Variants in MTX3 observed in about 807,000 individuals in gnomAD.
MTX3 encodes metaxin-3.
A neutral mutation model predicts 42.5 loss-of-function variants in MTX3; 27 were observed. That is an observed-to-expected ratio of 0.64 (90% confidence interval 0.47 to 0.88). The LOEUF (loss-of-function observed/expected upper bound fraction) is 0.88, where lower values mean the gene tolerates loss of function less well. MTX3 is among the 40% of genes least tolerant of loss of function. The probability of loss-of-function intolerance (pLI) is 0.00; values close to 1 mark genes in which losing one functional copy is unlikely to be tolerated. For missense variants in MTX3, 378 were observed against 367.0 expected (o/e 1.03, Z -0.25); for synonymous variants, 144 against 132.9 (o/e 1.08, Z -0.57).
At position 79,978,111 on chromosome 5, in the gene MTX3, T is replaced by C. The variant is rs974217834; in HGVS notation, c.*5573A>G. On this transcript the variant is annotated 3_prime_UTR_variant, in exon 9 of 9. Transcript: ENST00000512528. ...ACCAACATATCTATGCCGACAGCCA[T>C]CCCTCTCTCAATGCCATGGTCCAAG... 5.3e-5 allele frequency: 8 copies of C among 152,178 alleles called. No homozygotes were observed. The highest frequency in any genetic ancestry group is 5.2e-4 in the Admixed American group (8 of 15,272). The allele number at this position is 152,178 out of a possible 1,614,324, so 9.4% of individuals were successfully genotyped here. A position where few individuals can be genotyped will look rare whatever the true frequency, so the allele number is the denominator to read the frequency against.
At position 79,983,460 on chromosome 5, in the gene MTX3, C is replaced by A. The variant is rs1231062114; in HGVS notation, c.*224G>T. On this transcript the variant is annotated 3_prime_UTR_variant, in exon 9 of 9. Transcript: ENST00000512528. ...ACGATGTGTTTTTCTTCCCCGCCCC[C>A]CCAACCAAGTTCATTTAGCATTCTC... 5.5e-6 allele frequency: 3 copies of A among 543,138 alleles called. No homozygotes were observed. The highest frequency in any genetic ancestry group is 5.0e-4 in the Middle Eastern group (1 of 2,012). The allele number at this position is 543,138 out of a possible 1,614,324, so 33.6% of individuals were successfully genotyped here. A position where few individuals can be genotyped will look rare whatever the true frequency, so the allele number is the denominator to read the frequency against.
intron 6 of MTX3, among the ~76,000 whole-genome samples, chr5:79,987,458 A>AAAATT (rs1561282823): frequency 6.6e-6 from 1 of 151,784 alleles, no homozygotes; most frequent in Non-Finnish European, 1.5e-5. Flanking sequence ...AAAAAAAAAA[A>AAAATT]AAATTAAATT....
Position 79,983,076 on chromosome 5 carries a change from CTTTAATA to C in MTX3, c.*601_*607del, listed in dbSNP as rs1831408292. 6.5e-6 allele frequency: 1 copy of C among 154,222 alleles called. No individual in the cohort carries two copies. The highest frequency in any genetic ancestry group is 2.4e-5 in the African/African-American group (1 of 41,424). The allele number at this position is 154,222 out of a possible 1,614,324, so 9.6% of individuals were successfully genotyped here. ...ATCAGATGTTATTATATGTAACCAC[CTTTAATA>C]TTTATCTATGTGCTACTAAACCCCC... is the stretch of plus-strand genomic sequence containing the variant. On this transcript the variant is annotated 3_prime_UTR_variant, in exon 9 of 9. Transcript: ENST00000512528.
intron 8 of MTX3, among the ~76,000 whole-genome samples, chr5:79,984,741 C>T (rs2151140986): frequency 6.6e-6 from 1 of 152,210 alleles, no homozygotes; most frequent in Non-Finnish European, 1.5e-5. Context: ...CTACCCAGTT[C>T]CTCAATGTTT....
Position 79,983,431 on chromosome 5 carries a change from C to A in MTX3, c.*253G>T, listed in dbSNP as rs1831416055. 1 of 506,334 alleles carries A rather than the reference C, an allele frequency of 2.0e-6. No individual in the cohort carries two copies. 31.4% of individuals were successfully genotyped at this position (506,334 alleles called of 1,614,324 possible). A position where few individuals can be genotyped will look rare whatever the true frequency, so the allele number is the denominator to read the frequency against. On this transcript the variant is annotated 3_prime_UTR_variant, in exon 9 of 9. Coordinates refer to ENST00000512528, the MANE Select transcript of MTX3 (RefSeq NM_001363818.2). ...CATGATTAAGGCAGTTCTTTGTATACAGTACGATGTGTTTTTCTTCCCCGC... is the reference window on the plus strand; with the variant it reads ...CATGATTAAGGCAGTTCTTTGTATAAAGTACGATGTGTTTTTCTTCCCCGC...
rs1343617894 is a variant in MTX3 at position 79,980,556 on chromosome 5, G to C, written c.*3128C>G. The C allele has an allele frequency of 9.1e-6, 1 of 110,256 alleles. No homozygotes were observed. The highest frequency in any genetic ancestry group is 1.9e-5 in the Non-Finnish European group (1 of 51,734). 6.8% of individuals were successfully genotyped at this position (110,256 alleles called of 1,614,324 possible). A position where few individuals can be genotyped will look rare whatever the true frequency, so the allele number is the denominator to read the frequency against. On this transcript the variant is annotated 3_prime_UTR_variant, in exon 9 of 9. Transcript: ENST00000512528. ...TTCAATGTTCTTTACAGCTTCTTTA[G>C]TGTTACTTAAAAAAAAAAAAAAAAT...
chr5:79,988,293 C>T lies in MTX3; in HGVS notation c.527G>A (p.Cys176Tyr). ...CAATCTGTTTGATAGAAGATTTAGG[C>T]ACTCCTTGGCATCTCTGTATATCTA... Reference protein sequence around the residue: ...EAQIYRDAKECLNLLSNRLGT... With the variant: ...EAQIYRDAKEYLNLLSNRLGT... The change falls in exon 6 of 9, where the codon TGC becomes TAC. Residue 176 changes from cysteine to tyrosine, a missense_variant. Physicochemically the swap from Cys to Tyr is radical, Grantham distance 194 (BLOSUM62 -2). Coordinates refer to ENST00000512528, the MANE Select transcript of MTX3 (RefSeq NM_001363818.2). 1 of 1,555,234 alleles carries T rather than the reference C, an allele frequency of 6.4e-7. No homozygotes were observed. The highest frequency in any genetic ancestry group is 2.3e-5 in the East Asian group (1 of 42,580).
chr5:79,983,471 T>G lies in MTX3; in HGVS notation c.*213A>C. ...TTCTTCCCCGCCCCCCCAACCAAGT[T>G]CATTTAGCATTCTCTTTGTTATTAA... On this transcript the variant is annotated 3_prime_UTR_variant, in exon 9 of 9. Transcript: ENST00000512528. 8.3e-5 allele frequency: 35 copies of G among 419,316 alleles called. No homozygotes were observed. The highest frequency in any genetic ancestry group is 1.0e-4 in the Non-Finnish European group (24 of 233,734). 26.0% of individuals were successfully genotyped at this position (419,316 alleles called of 1,614,324 possible).
chr5:79,990,872 A>T, intron 1 of MTX3: 2 of 709,036 alleles, frequency 2.8e-6, no homozygotes, highest in Non-Finnish European at 2.6e-6. Context: ...GATGCAGAGT[A>T]GGGAGGGCGC....
chr5:79,983,859 C>T (rs1831429204), intron 8 of MTX3, 65 bp from the exon 9 acceptor site: 12 of 1,050,948 alleles, frequency 1.1e-5, no homozygotes, highest in South Asian at 1.1e-4. Flanking sequence ...ACTGTGGCCT[C>T]CCCATCCAAA....
At position 79,983,569 on chromosome 5, in the gene MTX3, T is replaced by C; in HGVS notation, c.*115A>G. 2.7e-6 allele frequency: 2 copies of C among 740,142 alleles called. No homozygotes were observed. The highest frequency in any genetic ancestry group is 4.8e-6 in the Non-Finnish European group (2 of 419,678). The allele number at this position is 740,142 out of a possible 1,614,324, so 45.8% of individuals were successfully genotyped here. ...AAATAGATGGCATAGAAAGTTCCTT[T>C]TGGTTTAGAGTCTTCCTTAATACCT... On this transcript the variant is annotated 3_prime_UTR_variant, in exon 9 of 9. Coordinates refer to ENST00000512528, the MANE Select transcript of MTX3 (RefSeq NM_001363818.2).
At chr5:79,987,348 G>A (rs556816254) in intron 6 of MTX3, among the ~76,000 whole-genome samples, 14 of 150,292 alleles carry the variant, frequency 9.3e-5, no homozygotes, top group Middle Eastern at 3.4e-3. Flanking sequence ...GTTGAGGCAG[G>A]AGAATTGCTT....
At position 79,989,175 on chromosome 5, in the gene MTX3, C is replaced by G; in HGVS notation, c.298G>C (p.Glu100Gln). 1 of 1,607,052 alleles carries G rather than the reference C, an allele frequency of 6.2e-7. No individual in the cohort carries two copies. Among genetic ancestry groups the G allele is most frequent in the Non-Finnish European group, 8.5e-7 (1 of 1,176,560 alleles). Residue 100 changes from glutamate (E) to glutamine (Q), a missense_variant, in exon 4 of 9, where the codon GAA becomes CAA. Coordinates refer to ENST00000512528, the MANE Select transcript of MTX3 (RefSeq NM_001363818.2). ...ACCACTGCAGGGAGAAGCTTCTCTTCGAGGAGAGCAATATAAGCCAATGTA... is the reference window on the plus strand; with the variant it reads ...ACCACTGCAGGGAGAAGCTTCTCTTGGAGGAGAGCAATATAAGCCAATGTA... Reference protein sequence around the residue: ...ADTLAYIALLEEKLLPAVLHT... With the variant: ...ADTLAYIALLQEKLLPAVLHT...
At chr5:79,984,283 G>A (rs1411146540) in intron 8 of MTX3, among the ~76,000 whole-genome samples, 4 of 152,174 alleles carry the variant, frequency 2.6e-5, no homozygotes, top group Non-Finnish European at 5.9e-5. Flanking sequence ...GCTAGTATGA[G>A]AGCTGAAACT....
Position 79,982,277 on chromosome 5 carries a change from A to C in MTX3, c.*1407T>G. On this transcript the variant is annotated 3_prime_UTR_variant, in exon 9 of 9. Transcript: ENST00000512528. ...AAAAAATATTTAGAATGACTTAAAGACTCTTGTATAAATAACTACCTAAAT... is the reference window on the plus strand; with the variant it reads ...AAAAAATATTTAGAATGACTTAAAGCCTCTTGTATAAATAACTACCTAAAT... 2.8e-6 allele frequency: 1 copy of C among 352,752 alleles called. No individual in the cohort carries two copies. Among genetic ancestry groups the C allele is most frequent in the South Asian group, 2.2e-5 (1 of 45,960 alleles). 21.9% of individuals were successfully genotyped at this position (352,752 alleles called of 1,614,324 possible). A position where few individuals can be genotyped will look rare whatever the true frequency, so the allele number is the denominator to read the frequency against.
intron 6 of MTX3, among the ~76,000 whole-genome samples, chr5:79,987,784 C>T (rs1196459057): frequency 6.6e-6 from 1 of 152,098 alleles, no homozygotes; most frequent in East Asian, 1.9e-4. Context: ...GAAAAAGTTT[C>T]CTATAATAAA....
rs1343629804 is a variant in MTX3 at position 79,982,277 on chromosome 5, A to ACTC, written c.*1404_*1406dup. 1.1e-5 allele frequency: 4 copies of ACTC among 352,752 alleles called. No homozygotes were observed. Among genetic ancestry groups the ACTC allele is most frequent in the Non-Finnish European group, 1.7e-5 (3 of 175,996 alleles). 21.9% of individuals were successfully genotyped at this position (352,752 alleles called of 1,614,324 possible). Reference sequence around the variant, plus strand: ...AAAAAATATTTAGAATGACTTAAAGACTCTTGTATAAATAACTACCTAAAT... The same window carrying ACTC: ...AAAAAATATTTAGAATGACTTAAAGACTCCTCTTGTATAAATAACTACCTAAAT... On this transcript the variant is annotated 3_prime_UTR_variant, in exon 9 of 9. Coordinates refer to ENST00000512528, the MANE Select transcript of MTX3 (RefSeq NM_001363818.2).
chr5:79,983,219 T>C lies in MTX3; in HGVS notation c.*465A>G, dbSNP rs1046641700. Reference sequence around the variant, plus strand: ...ATTTATCTTTTTCTGGTTCCTAAAATAGGCATCAAATTTCTAAACAGAAGT... The same window carrying C: ...ATTTATCTTTTTCTGGTTCCTAAAACAGGCATCAAATTTCTAAACAGAAGT... On this transcript the variant is annotated 3_prime_UTR_variant, in exon 9 of 9. Transcript: ENST00000512528. 1.3e-5 allele frequency: 2 copies of C among 155,578 alleles called. No individual in the cohort carries two copies. The highest frequency in any genetic ancestry group is 6.3e-5 in the Admixed American group (1 of 15,900). The allele number at this position is 155,578 out of a possible 1,614,324, so 9.6% of individuals were successfully genotyped here.
At chr5:79,988,201 G>C in intron 6 of MTX3, 38 bp downstream of exon 6, 1 of 1,176,288 alleles carries the variant, frequency 8.5e-7, no homozygotes, top group Non-Finnish European at 1.2e-6. Flanking sequence ...GAATATATGT[G>C]CACAAAATAC....
Sources: allele counts gnomAD v4.1 joint callset (sites outside exome capture counted in the v4.1 genomes callset), GRCh38; gene constraint gnomAD v4.1.1; transcripts MANE v1.5; gene names NCBI Gene and HGNC (gene_info 2026-07-23, HGNC 2026-07-21).